Variants in WWOX observed in about 807,000 individuals in gnomAD.
The protein encoded by WWOX is WW domain containing oxidoreductase, also known as WW domain-containing oxidoreductase.
WWOX carries 69 observed loss-of-function variants against 46.2 expected under a neutral mutation model. The ratio of observed to expected loss-of-function variants is 1.49; its 90% CI spans 1.23 to 1.82. The LOEUF (loss-of-function observed/expected upper bound fraction) is 1.82. Among genes scored for constraint, WWOX ranks in the 40% most tolerant of loss-of-function variants. The pLI is 0.00. For synonymous variants in WWOX, 359 were observed against 202.6 expected, an observed-to-expected ratio of 1.77 and a Z score of -6.56; for missense variants, 919 against 542.6, an observed-to-expected ratio of 1.69 and a Z score of -6.89.
chr16:79,145,913 T>G (rs941401074), intron 8 of WWOX, among the ~76,000 whole-genome samples: 3 of 152,296 alleles, frequency 2.0e-5, no homozygotes, highest in Admixed American at 2.0e-4. Flanking sequence ...AATTATATAA[T>G]TTATTGAAAG....
At chr16:79,124,323 G>A (rs2049704367) in intron 8 of WWOX, among the ~76,000 whole-genome samples, 1 of 149,500 alleles carries the variant, frequency 6.7e-6, no homozygotes, top group Non-Finnish European at 1.5e-5. Flanking sequence ...AATGGTGACG[G>A]GGTTTGTTTT....
intron 8 of WWOX, among the ~76,000 whole-genome samples, chr16:78,596,653 A>G (rs1250880029): frequency 1.3e-5 from 2 of 152,198 alleles, no homozygotes; most frequent in Non-Finnish European, 2.9e-5. Context: ...TGTGGGGAGA[A>G]CACGGACTGT....
At chr16:79,207,393 A>T (rs2051551687) in intron 8 of WWOX, among the ~76,000 whole-genome samples, 2 of 152,254 alleles carry the variant, frequency 1.3e-5, no homozygotes. Flanking sequence ...GACGTTAGTC[A>T]TGGGAACACT....
chr16:78,675,607 G>A (rs1237025925), intron 8 of WWOX, among the ~76,000 whole-genome samples: 4 of 152,110 alleles, frequency 2.6e-5, no homozygotes, highest in Non-Finnish European at 5.9e-5. Flanking sequence ...CCGCCCTACT[G>A]CTCGCAACCT....
chr16:78,420,648 C>A (rs1334233645), intron 6 of WWOX, among the ~76,000 whole-genome samples: 1 of 99,092 alleles, frequency 1.0e-5, no homozygotes. Flanking sequence ...CTAGTGATTG[C>A]TAATTTTTTT....
chr16:78,920,891 A>G (rs965904921), intron 8 of WWOX, among the ~76,000 whole-genome samples: 2 of 152,170 alleles, frequency 1.3e-5, no homozygotes, highest in Non-Finnish European at 2.9e-5. Flanking sequence ...AATGATTCCA[A>G]TTTTTAAAAA....
At chr16:78,926,068 T>A (rs184796485) in intron 8 of WWOX, among the ~76,000 whole-genome samples, 13 of 152,310 alleles carry the variant, frequency 8.5e-5, no homozygotes, top group Admixed American at 1.3e-4. Context: ...GAGAAACTGC[T>A]GCTCTTGGTA....
intron 8 of WWOX, among the ~76,000 whole-genome samples, chr16:78,640,277 T>C (rs1425844202): frequency 6.8e-6 from 1 of 145,990 alleles, no homozygotes; most frequent in African/African-American, 2.6e-5. Context: ...TATGGTGACT[T>C]TTAGCGAATG....
intron 4 of WWOX, among the ~76,000 whole-genome samples, chr16:78,139,977 G>A (rs2033929053): frequency 6.6e-6 from 1 of 152,148 alleles, no homozygotes; most frequent in African/African-American, 2.4e-5. Flanking sequence ...CGTCCCATAA[G>A]TTTTGATGTC....
chr16:78,112,548 T>G (rs1018045283), intron 3 of WWOX, among the ~76,000 whole-genome samples: 1 of 152,190 alleles, frequency 6.6e-6, no homozygotes, highest in African/African-American at 2.4e-5. Context: ...CGGGGCTGTC[T>G]AGCAGTTGGA....
chr16:78,328,484 G>A (rs892912998), intron 5 of WWOX, among the ~76,000 whole-genome samples: 1 of 152,108 alleles, frequency 6.6e-6, no homozygotes, highest in African/African-American at 2.4e-5. Context: ...TCAAGTTGCT[G>A]GTAAGATGAT....
chr16:78,513,171 C>T (rs1457214893), intron 8 of WWOX, among the ~76,000 whole-genome samples: 1 of 152,028 alleles, frequency 6.6e-6, no homozygotes, highest in Non-Finnish European at 1.5e-5. Context: ...AAAACAAATG[C>T]CTCAAATCAT....
chr16:78,827,102 T>C (rs1016565018), intron 8 of WWOX, among the ~76,000 whole-genome samples: 1 of 152,074 alleles, frequency 6.6e-6, no homozygotes, highest in African/African-American at 2.4e-5. Context: ...CCTGCTCTCC[T>C]CTCCAGAACT....
At chr16:78,821,333 C>T (rs2051487088) in intron 8 of WWOX, among the ~76,000 whole-genome samples, 1 of 152,148 alleles carries the variant, frequency 6.6e-6, no homozygotes, top group African/African-American at 2.4e-5. Context: ...GGTCGGAAGC[C>T]AAGCGCCCCC....
chr16:78,689,190 C>T (rs1479981652), intron 8 of WWOX, among the ~76,000 whole-genome samples: 1 of 152,176 alleles, frequency 6.6e-6, no homozygotes, highest in Non-Finnish European at 1.5e-5. Context: ...AAGAATGATT[C>T]AGCCCAAAAT....
chr16:78,392,835 C>A (rs976676266), intron 6 of WWOX, among the ~76,000 whole-genome samples: 3 of 152,170 alleles, frequency 2.0e-5, no homozygotes, highest in African/African-American at 4.8e-5. Context: ...GACCTCCTCA[C>A]TCCTCTGCCC....
intron 8 of WWOX, among the ~76,000 whole-genome samples, chr16:78,727,560 G>C (rs554490894): frequency 3.7e-4 from 57 of 152,338 alleles, no homozygotes; most frequent in African/African-American, 1.3e-3. Flanking sequence ...TCTGGGTCCT[G>C]AGTTCCAGTC....
At chr16:78,978,454 G>C (rs1469627275) in intron 8 of WWOX, among the ~76,000 whole-genome samples, 1 of 152,184 alleles carries the variant, frequency 6.6e-6, no homozygotes, top group African/African-American at 2.4e-5. Flanking sequence ...ATTCCCACCA[G>C]CGAAGTGCAG....
At chr16:78,237,358 T>G (rs1014603310) in intron 5 of WWOX, 1 of 152,258 alleles carries the variant, frequency 6.6e-6, no homozygotes, top group Non-Finnish European at 1.5e-5. Flanking sequence ...GTAATTTTGC[T>G]AAGTTATGGC....
Sources: allele counts gnomAD v4.1 joint callset (sites outside exome capture counted in the v4.1 genomes callset), GRCh38; gene constraint gnomAD v4.1.1; transcripts MANE v1.5; gene names NCBI Gene and HGNC (gene_info 2026-07-23, HGNC 2026-07-21).